CCDC192: variants seen among roughly 807,000 people sequenced by gnomAD.
CCDC192 encodes the protein coiled-coil domain containing 192.
intron 6 of CCDC192, among the ~76,000 whole-genome samples, chr5:127,898,679 C>A (rs371672553): frequency 2.0e-5 from 3 of 152,042 alleles, no homozygotes. Flanking sequence ...GAGATGTGGA[C>A]AAAGCAGCCT....
At chr5:127,768,083 C>G (rs373196426) in intron 3 of CCDC192, among the ~76,000 whole-genome samples, 18 of 152,052 alleles carry the variant, frequency 1.2e-4, no homozygotes, top group African/African-American at 4.3e-4. Context: ...GAAACCCTGT[C>G]TCTACTAAAA....
intron 5 of CCDC192, among the ~76,000 whole-genome samples, chr5:127,863,418 T>C (rs1751457418): frequency 2.6e-5 from 4 of 152,234 alleles, no homozygotes; most frequent in Admixed American, 2.6e-4. Context: ...GAGTAAATTA[T>C]AATGAGGACA....
intron 2 of CCDC192, among the ~76,000 whole-genome samples, chr5:127,733,575 A>G (rs1752767286): frequency 6.6e-6 from 1 of 152,196 alleles, no homozygotes; most frequent in African/African-American, 2.4e-5. Flanking sequence ...GGAAAGAATT[A>G]TTGGAAAATA....
chr5:127,750,916 A>G (rs1445499987), intron 2 of CCDC192, among the ~76,000 whole-genome samples: 1 of 149,874 alleles, frequency 6.7e-6, no homozygotes, highest in Admixed American at 6.6e-5. Context: ...AGTCTGTTTT[A>G]TCAGAGACTA....
intron 2 of CCDC192, among the ~76,000 whole-genome samples, chr5:127,729,819 C>A (rs1018153822): frequency 6.6e-6 from 1 of 152,010 alleles, no homozygotes; most frequent in African/African-American, 2.4e-5. Flanking sequence ...TCTTTGAAAC[C>A]AATGATAACA....
intron 6 of CCDC192, among the ~76,000 whole-genome samples, chr5:127,937,474 T>A (rs1754217681): frequency 6.6e-6 from 1 of 152,216 alleles, no homozygotes; most frequent in Non-Finnish European, 1.5e-5. Context: ...AGAGAGGTTT[T>A]GGTCTCTCTC....
At chr5:127,919,837 G>A (rs568743693) in intron 6 of CCDC192, among the ~76,000 whole-genome samples, 74 of 152,154 alleles carry the variant, frequency 4.9e-4, no homozygotes, top group African/African-American at 1.7e-3. Context: ...GTGTCCCTCT[G>A]TCCCTCTATC....
At chr5:127,862,222 T>G (rs190166607) in intron 5 of CCDC192, among the ~76,000 whole-genome samples, 49 of 152,224 alleles carry the variant, frequency 3.2e-4, no homozygotes, top group Admixed American at 8.5e-4. Flanking sequence ...AATCTCTTTC[T>G]CTCTCAAGCT....
chr5:127,873,359 T>A lies in CCDC192; in HGVS notation c.412-2179T>A, dbSNP rs116856400. On this transcript the variant is annotated intron_variant, in intron 5 of 6. Coordinates refer to ENST00000514853, the MANE Select transcript of CCDC192 (RefSeq NM_001317938.2). ...AGTTCTTTCTCCCCCTAATATCTTA[T>A]AATGAAAAATTGCAAACATACAAAA... 9.8e-5 allele frequency among the ~76,000 whole-genome samples: 15 copies of A among 152,316 alleles called. No homozygotes were observed. The East Asian group carries it at 2.9e-3, about 29-fold the overall frequency.
chr5:127,747,422 C>A (rs995754916), intron 2 of CCDC192, among the ~76,000 whole-genome samples: 1 of 152,108 alleles, frequency 6.6e-6, no homozygotes, highest in Non-Finnish European at 1.5e-5. Context: ...CATGTCCCTA[C>A]AAAGGACATG....
intron 3 of CCDC192, among the ~76,000 whole-genome samples, chr5:127,765,966 G>A (rs1755200688): frequency 1.3e-5 from 2 of 152,114 alleles, no homozygotes; most frequent in South Asian, 4.2e-4. Context: ...GTTTTTCCCT[G>A]CTCACTGAAA....
chr5:127,868,053 A>G (rs1042338824), intron 5 of CCDC192, among the ~76,000 whole-genome samples: 4 of 148,676 alleles, frequency 2.7e-5, no homozygotes, highest in Non-Finnish European at 5.9e-5. Context: ...AGTTGCCTAG[A>G]CCGTTCTATC....
At chr5:127,939,619 C>T (rs765005436) in intron 6 of CCDC192, among the ~76,000 whole-genome samples, 7 of 151,944 alleles carry the variant, frequency 4.6e-5, no homozygotes, top group Non-Finnish European at 8.8e-5. Context: ...AAGATTTTAC[C>T]CCTTGATCCC....
At chr5:127,753,084 A>G (rs574681442) in intron 2 of CCDC192, among the ~76,000 whole-genome samples, 4 of 152,228 alleles carry the variant, frequency 2.6e-5, no homozygotes, top group Admixed American at 2.0e-4. Flanking sequence ...TGCGTCGCTC[A>G]GGCTGGGAGC....
At chr5:127,783,435 G>T (rs896751802) in intron 3 of CCDC192, among the ~76,000 whole-genome samples, 1 of 152,112 alleles carries the variant, frequency 6.6e-6, no homozygotes, top group African/African-American at 2.4e-5. Flanking sequence ...GATTTTGAAG[G>T]TTTCTTTTGG....
intron 2 of CCDC192, chr5:127,740,187 T>C (rs1034560230): frequency 3.3e-5 from 5 of 152,218 alleles, no homozygotes; most frequent in African/African-American, 4.8e-5. Flanking sequence ...GGTGTTCTCA[T>C]TTTACAGATG....
At chr5:127,823,293 C>T (rs185274191) in intron 5 of CCDC192, among the ~76,000 whole-genome samples, 1 of 152,284 alleles carries the variant, frequency 6.6e-6, no homozygotes. Context: ...GTTTACAACT[C>T]GCCTCTTTCC....
intron 2 of CCDC192, among the ~76,000 whole-genome samples, chr5:127,733,090 G>A (rs1320927047): frequency 6.6e-6 from 1 of 152,174 alleles, no homozygotes; most frequent in African/African-American, 2.4e-5. Flanking sequence ...TGGCAGGGGA[G>A]GATGCAAGGC....
intron 3 of CCDC192, among the ~76,000 whole-genome samples, chr5:127,777,897 C>CTT (rs34221635): frequency 2.2e-4 from 32 of 144,634 alleles, no homozygotes; most frequent in Admixed American, 7.6e-4. Context: ...ATGAAACCTC[C>CTT]TTTTTTTTTT....
Sources: allele counts gnomAD v4.1 joint callset (sites outside exome capture counted in the v4.1 genomes callset), GRCh38; gene constraint gnomAD v4.1.1; transcripts MANE v1.5; gene names NCBI Gene and HGNC (gene_info 2026-07-23, HGNC 2026-07-21).